TRPS1: variants seen among roughly 807,000 people sequenced by gnomAD.
TRPS1 encodes the protein transcriptional repressor GATA binding 1, also known as zinc finger transcription factor Trps1.
A neutral mutation model predicts 101.2 loss-of-function variants in TRPS1; 6 were observed. That is an observed-to-expected ratio of 0.06 (90% CI 0.03 to 0.12). The LOEUF (loss-of-function observed/expected upper bound fraction) is 0.12, where lower values mean the gene tolerates loss of function less well. Among genes scored for constraint, TRPS1 ranks in the 10% least tolerant of loss-of-function variants. The probability of loss-of-function intolerance (pLI) is 1.00; values close to 1 mark genes in which losing one functional copy is unlikely to be tolerated. For synonymous variants in TRPS1, 578 were observed against 589.8 expected, an observed-to-expected ratio of 0.98 and a Z score of 0.29; for missense variants, 1,363 against 1,567.0, an observed-to-expected ratio of 0.87 and a Z score of 2.20.
At chr8:115,553,363 A>G (rs1425160593) in intron 5 of TRPS1, among the ~76,000 whole-genome samples, 2 of 152,102 alleles carry the variant, frequency 1.3e-5, no homozygotes, top group African/African-American at 2.4e-5. Context: ...GACTGAATCA[A>G]CAAATGAATT....
At chr8:115,508,904 C>T (rs1290333726) in intron 5 of TRPS1, among the ~76,000 whole-genome samples, 1 of 151,882 alleles carries the variant, frequency 6.6e-6, no homozygotes, top group Non-Finnish European at 1.5e-5. Flanking sequence ...TTTCTGCATA[C>T]CCTGGAAACA....
At chr8:115,533,461 C>CTTTTTTTTTTTTTTTTA (rs1381965854) in intron 5 of TRPS1, among the ~76,000 whole-genome samples, 1 of 14,278 alleles carries the variant, frequency 7.0e-5, no homozygotes, top group Non-Finnish European at 1.2e-4. Flanking sequence ...TTTTTTTTTC[C>CTTTTTTTTTTTTTTTTA]TGAAAAAAAT....
At chr8:115,608,134 T>C (rs1216044205) in intron 3 of TRPS1, among the ~76,000 whole-genome samples, 1 of 152,120 alleles carries the variant, frequency 6.6e-6, no homozygotes, top group African/African-American at 2.4e-5. Context: ...GTAGGAAAAT[T>C]TACTGCTTCT....
At chr8:115,424,726 C>T (rs1322753453) in intron 5 of TRPS1, among the ~76,000 whole-genome samples, 2 of 152,192 alleles carry the variant, frequency 1.3e-5, no homozygotes, top group Non-Finnish European at 2.9e-5. Context: ...GTTTAAGTCA[C>T]TTCAGAAACA....
chr8:115,452,316 CACA>C (rs1008911870), intron 5 of TRPS1, among the ~76,000 whole-genome samples: 5 of 152,166 alleles, frequency 3.3e-5, no homozygotes, highest in Non-Finnish European at 4.4e-5. Context: ...TGCACATCTG[CACA>C]ACATCAGACT....
chr8:115,421,160 T>G (rs1483665183), intron 5 of TRPS1, among the ~76,000 whole-genome samples: 2 of 152,010 alleles, frequency 1.3e-5, no homozygotes, highest in African/African-American at 4.8e-5. Flanking sequence ...AATTTTCTAT[T>G]TTTTAGTAGA....
chr8:115,493,757 C>T (rs1469481523), intron 5 of TRPS1, among the ~76,000 whole-genome samples: 1 of 152,032 alleles, frequency 6.6e-6, no homozygotes, highest in Non-Finnish European at 1.5e-5. Flanking sequence ...TAAAGATTTG[C>T]AATTTTATGT....
intron 3 of TRPS1, among the ~76,000 whole-genome samples, chr8:115,609,123 G>A (rs1818105427): frequency 6.6e-6 from 1 of 152,176 alleles, no homozygotes; most frequent in East Asian, 1.9e-4. Flanking sequence ...CTGGGATTAC[G>A]GCATGCACCA....
intron 5 of TRPS1, among the ~76,000 whole-genome samples, chr8:115,472,105 G>T (rs143214924): frequency 6.6e-6 from 1 of 152,336 alleles, no homozygotes; most frequent in African/African-American, 2.4e-5. Context: ...GGAACTCTTT[G>T]TGGGGGGGCT....
At chr8:115,501,988 T>C (rs1217630896) in intron 5 of TRPS1, among the ~76,000 whole-genome samples, 1 of 152,024 alleles carries the variant, frequency 6.6e-6, no homozygotes, top group East Asian at 1.9e-4. Flanking sequence ...ACATTTTCCA[T>C]GATTCACCAT....
chr8:115,538,947 C>T (rs1816387388), intron 5 of TRPS1, among the ~76,000 whole-genome samples: 1 of 152,162 alleles, frequency 6.6e-6, no homozygotes, highest in South Asian at 2.1e-4. Context: ...AAAGTATTCT[C>T]TTACCTTGCA....
chr8:115,444,156 G>A (rs1201860214), intron 5 of TRPS1, among the ~76,000 whole-genome samples: 1 of 152,180 alleles, frequency 6.6e-6, no homozygotes, highest in Non-Finnish European at 1.5e-5. Flanking sequence ...CAAAGACTGT[G>A]TACTTGCCAG....
chr8:115,529,724 T>C (rs1816085377), intron 5 of TRPS1, among the ~76,000 whole-genome samples: 1 of 152,136 alleles, frequency 6.6e-6, no homozygotes, highest in Non-Finnish European at 1.5e-5. Context: ...TGTACTTATT[T>C]ATTTTGTGCC....
chr8:115,459,212 C>T (rs2129962410), intron 5 of TRPS1, among the ~76,000 whole-genome samples: 1 of 152,102 alleles, frequency 6.6e-6, no homozygotes, highest in Non-Finnish European at 1.5e-5. Context: ...GAGGCAGGTG[C>T]CTGTAAATCC....
chr8:115,415,050 T>C lies in TRPS1; in HGVS notation c.2858A>G (p.Asn953Ser). The change falls in exon 7 of 7, where the codon AAC (asparagine) becomes AGC (serine). Residue 953 changes from asparagine (N) to serine (S), a missense_variant. Coordinates refer to ENST00000395715, the MANE Select transcript of TRPS1 (RefSeq NM_014112.5). Reference protein sequence around the residue: ...PRPLNIIKQNNGEQIIRRRTR... With the variant: ...PRPLNIIKQNSGEQIIRRRTR... The stretch of plus-strand genomic sequence containing the variant: ...TCTCCTCCTAATAATCTGCTCACCG[T>C]TGTTTTGTTTAATGATGTTTAAAGG... 6.3e-7 allele frequency: 1 copy of C among 1,594,908 alleles called. No individual in the cohort carries two copies. Among genetic ancestry groups the C allele is most frequent in the Non-Finnish European group, 8.5e-7 (1 of 1,174,918 alleles).
At chr8:115,501,597 C>A (rs1000336869) in intron 5 of TRPS1, among the ~76,000 whole-genome samples, 1 of 152,070 alleles carries the variant, frequency 6.6e-6, no homozygotes, top group African/African-American at 2.4e-5. Flanking sequence ...AAAGTGCTCA[C>A]GAAAAATAAA....
At chr8:115,441,570 G>A (rs1024159713) in intron 5 of TRPS1, among the ~76,000 whole-genome samples, 1 of 152,008 alleles carries the variant, frequency 6.6e-6, no homozygotes, top group Non-Finnish European at 1.5e-5. Context: ...TCTCCCTTCC[G>A]TCAACCACAG....
chr8:115,489,159 T>C (rs1191052066), intron 5 of TRPS1, among the ~76,000 whole-genome samples: 2 of 152,202 alleles, frequency 1.3e-5, no homozygotes, highest in African/African-American at 4.8e-5. Flanking sequence ...AATTACATGG[T>C]ATATACACTT....
At chr8:115,610,263 C>A (rs1477288458) in intron 3 of TRPS1, among the ~76,000 whole-genome samples, 1 of 152,084 alleles carries the variant, frequency 6.6e-6, no homozygotes, top group East Asian at 1.9e-4. Flanking sequence ...AAAAAAATCA[C>A]TGTTCAAATA....
Sources: allele counts gnomAD v4.1 joint callset (sites outside exome capture counted in the v4.1 genomes callset), GRCh38; gene constraint gnomAD v4.1.1; transcripts MANE v1.5; gene names NCBI Gene and HGNC (gene_info 2026-07-23, HGNC 2026-07-21).